SLC25A13: variants seen among roughly 807,000 people sequenced by gnomAD.
The protein encoded by SLC25A13 is solute carrier family 25 member 13, also known as electrogenic aspartate/glutamate antiporter SLC25A13, mitochondrial.
A neutral mutation model predicts 85.5 loss-of-function variants in SLC25A13; 70 were observed. The observed-to-expected ratio is 0.82, with a 90% confidence interval of 0.68 to 1.00. The LOEUF is 1.00. SLC25A13 is among the 50% of genes least tolerant of loss of function. The probability of loss-of-function intolerance (pLI) is 0.00; values close to 1 mark genes in which losing one functional copy is unlikely to be tolerated. For synonymous variants in SLC25A13, 259 were observed against 288.7 expected, an observed-to-expected ratio of 0.90 and a Z score of 1.04; for missense variants, 765 against 819.8, an observed-to-expected ratio of 0.93 and a Z score of 0.82.
At chr7:96,155,400 T>C (rs1793221607) in intron 13 of SLC25A13, among the ~76,000 whole-genome samples, 1 of 152,070 alleles carries the variant, frequency 6.6e-6, no homozygotes, top group African/African-American at 2.4e-5. Flanking sequence ...CTCCCCAGAG[T>C]GTTTTTCGTC....
chr7:96,135,156 A>G (rs985559306), intron 14 of SLC25A13, among the ~76,000 whole-genome samples: 5 of 152,166 alleles, frequency 3.3e-5, no homozygotes, highest in African/African-American at 1.2e-4. Flanking sequence ...GGAATGAATG[A>G]AGTAATATGT....
intron 1 of SLC25A13, among the ~76,000 whole-genome samples, chr7:96,305,065 C>T (rs150529718): frequency 2.0e-5 from 3 of 152,114 alleles, no homozygotes; most frequent in Non-Finnish European, 4.4e-5. Flanking sequence ...ATGCTAATGG[C>T]TTTTTATCTT....
Position 96,260,569 on chromosome 7 carries a change from C to T in SLC25A13, c.212+16627G>A, listed in dbSNP as rs368159782. On this transcript the variant is annotated intron_variant, in intron 3 of 17. Coordinates refer to ENST00000265631, the MANE Select transcript of SLC25A13 (RefSeq NM_014251.3). ...CTCTCATCTCTAAGCATACATCTCA[C>T]AGCCTGCCTCTCTAATTGCATGTTT... 2.0e-4 allele frequency among the ~76,000 whole-genome samples: 31 copies of T among 152,248 alleles called. No individual in the cohort carries two copies. The East Asian group carries it at 6.0e-3, about 29-fold the overall frequency.
chr7:96,321,775 C>T (rs1198399688), intron 1 of SLC25A13, among the ~76,000 whole-genome samples, 167 bp downstream of exon 1: 1 of 152,196 alleles, frequency 6.6e-6, no homozygotes, highest in Non-Finnish European at 1.5e-5. Flanking sequence ...CTGTGCTGCC[C>T]GGGAGGAGTG....
chr7:96,140,120 G>GGCTAAT (rs1333283380), intron 14 of SLC25A13, among the ~76,000 whole-genome samples: 2 of 150,114 alleles, frequency 1.3e-5, no homozygotes, highest in Middle Eastern at 3.4e-3. Context: ...CACTACGCCC[G>GGCTAAT]GCTAATTTTT....
intron 3 of SLC25A13, among the ~76,000 whole-genome samples, chr7:96,266,564 C>A (rs1248848324): frequency 6.6e-6 from 1 of 152,208 alleles, no homozygotes; most frequent in African/African-American, 2.4e-5. Flanking sequence ...GAATGAGAAG[C>A]AAAATCAGCA....
chr7:96,309,569 T>C (rs2117022481), intron 1 of SLC25A13: 1 of 152,330 alleles, frequency 6.6e-6, no homozygotes, highest in South Asian at 2.1e-4. Context: ...CCCCTTTACT[T>C]TGCCATGTGT....
chr7:96,126,324 T>G (rs1185829183), intron 15 of SLC25A13, among the ~76,000 whole-genome samples: 1 of 152,170 alleles, frequency 6.6e-6, no homozygotes, highest in African/African-American at 2.4e-5. Flanking sequence ...CATCACTTTA[T>G]TTTTTCCTGC....
At chr7:96,283,138 T>C (rs564013544) in intron 2 of SLC25A13, among the ~76,000 whole-genome samples, 13 of 152,318 alleles carry the variant, frequency 8.5e-5, no homozygotes, top group Admixed American at 5.2e-4. Flanking sequence ...AAGAAAATAA[T>C]GCTAGCTATA....
At chr7:96,307,490 G>C (rs1400378120) in intron 1 of SLC25A13, among the ~76,000 whole-genome samples, 2 of 151,596 alleles carry the variant, frequency 1.3e-5, no homozygotes, top group African/African-American at 4.8e-5. Context: ...TGTTGGTTGA[G>C]ACCGCAGTGA....
rs1375658014 is a variant in SLC25A13 at position 96,124,059 on chromosome 7, G to A, written c.1592-2062C>T. Among the ~76,000 whole-genome samples, 4 of 152,154 alleles carry A rather than the reference G, an allele frequency of 2.6e-5. No individual in the cohort carries two copies. In the East Asian group the frequency reaches 7.7e-4, roughly 29 times the overall value. ...ATGACAAGACAAACACAGAGACCCA[G>A]GGGCCATCCACCACCTCTGTGACAG... is the stretch of plus-strand genomic sequence containing the variant. On this transcript the variant is annotated intron_variant, in intron 15 of 17. Coordinates refer to ENST00000265631, the MANE Select transcript of SLC25A13 (RefSeq NM_014251.3).
In SLC25A13 at chr7:96,234,880, C is replaced by A. The variant is rs751559996; in HGVS notation, c.250G>T (p.Val84Phe). The A allele has an allele frequency of 2.3e-5, 37 of 1,613,734 alleles. No individual in the cohort carries two copies. The highest frequency in any genetic ancestry group is 4.5e-5 in the East Asian group (2 of 44,864). Residue 84 changes from valine to phenylalanine, a missense_variant, in exon 4 of 18, where the codon GTC (valine) becomes TTC (phenylalanine). Physicochemically the swap from Val to Phe is conservative, Grantham distance 50 (BLOSUM62 -1). Transcript: ENST00000265631. The part of the protein sequence containing the change: ...SFQEFVAFES[V>F]LCAPDALFMV... ...AACAAAGCATCAGGGGCACACAGGA[C>A]AGATTCAAAGGCAACAAATTCTTGA...
chr7:96,286,957 C>T (rs73710271), intron 2 of SLC25A13, among the ~76,000 whole-genome samples: 2,060 of 152,302 alleles, frequency 0.014, 43 homozygotes, highest in African/African-American at 0.047. Flanking sequence ...AAAGAAGAAT[C>T]CTCTCTTTAC....
At chr7:96,203,849 G>A (rs559576759) in intron 5 of SLC25A13, among the ~76,000 whole-genome samples, 3 of 152,324 alleles carry the variant, frequency 2.0e-5, no homozygotes, top group African/African-American at 7.2e-5. Context: ...TAGGGGTCAG[G>A]AATGCTAGAT....
In SLC25A13 at chr7:96,172,190, C is replaced by T. The variant is rs1392957063; in HGVS notation, c.1178-666G>A. Among the ~76,000 whole-genome samples the T allele has an allele frequency of 3.3e-5, 5 of 152,280 alleles. No homozygotes were observed. In the South Asian group the frequency reaches 8.3e-4, roughly 25 times the overall value. ...CCTGAGAGGTCACTAGCTTGAATGC[C>T]ATATGTATCCAACCTATAAGTGTGT... is the stretch of plus-strand genomic sequence containing the variant. On this transcript the variant is annotated intron_variant, in intron 11 of 17. Transcript: ENST00000265631.
At chr7:96,276,638 A>T (rs1662094371) in intron 3 of SLC25A13, among the ~76,000 whole-genome samples, 1 of 152,142 alleles carries the variant, frequency 6.6e-6, no homozygotes, top group African/African-American at 2.4e-5. Flanking sequence ...AAGGAGGGAA[A>T]AAAGTTCCAA....
chr7:96,193,117 T>C lies in SLC25A13; in HGVS notation c.535A>G (p.Thr179Ala), dbSNP rs768500587. The C allele has an allele frequency of 6.2e-7, 1 of 1,614,170 alleles. No homozygotes were observed. Among genetic ancestry groups the C allele is most frequent in the East Asian group, 2.2e-5 (1 of 44,878 alleles). The stretch of plus-strand genomic sequence containing the variant: ...ATGATGTCTCGGAAGTCGATGGCTG[T>C]GACTCTCCCAGTCCTAGCATTGTCC... ...QRDNARTGRV[T>A]AIDFRDIMVT... is the part of the protein sequence containing the mutation. The change falls in exon 6 of 18, where the codon ACA (threonine) becomes GCA (alanine). Residue 179 changes from threonine (T) to alanine (A), a missense_variant. Thr to Ala is a moderately conservative substitution (Grantham distance 58). Transcript: ENST00000265631.
At chr7:96,172,434 T>C (rs971453684) in intron 11 of SLC25A13, among the ~76,000 whole-genome samples, 1 of 151,914 alleles carries the variant, frequency 6.6e-6, no homozygotes, top group Admixed American at 6.6e-5. Context: ...GGCAGGCACC[T>C]GTAGTCCCAG....
chr7:96,204,447 G>C (rs1168189573), intron 5 of SLC25A13, among the ~76,000 whole-genome samples: 1 of 152,068 alleles, frequency 6.6e-6, no homozygotes, highest in Non-Finnish European at 1.5e-5. Flanking sequence ...GGCCAAGGCG[G>C]GTGGATCACT....
Sources: gnomAD v4.1 joint callset for allele counts (sites outside exome capture counted in the v4.1 genomes callset) on GRCh38, gnomAD v4.1.1 for gene constraint, MANE v1.5 for transcripts, NCBI Gene and HGNC (gene_info 2026-07-23, HGNC 2026-07-21) for gene names.